Variants in HPSE2 observed in about 807,000 individuals in gnomAD.
The protein encoded by HPSE2 is inactive heparanase-2.
A neutral mutation model predicts 60.5 loss-of-function variants in HPSE2; 38 were observed. The ratio of observed to expected loss-of-function variants is 0.63; its 90% CI spans 0.48 to 0.82. The LOEUF (loss-of-function observed/expected upper bound fraction) is 0.82, where lower values mean the gene tolerates loss of function less well. HPSE2 is among the 40% of genes least tolerant of loss of function. The pLI is 0.00. For synonymous variants in HPSE2, 295 were observed against 293.2 expected, an observed-to-expected ratio of 1.01 and a Z score of -0.06; for missense variants, 713 against 740.4, an observed-to-expected ratio of 0.96 and a Z score of 0.43.
At chr10:98,775,486 T>A (rs1403168761) in intron 3 of HPSE2, among the ~76,000 whole-genome samples, 1 of 152,202 alleles carries the variant, frequency 6.6e-6, no homozygotes, top group Admixed American at 6.5e-5. Flanking sequence ...CAATCTGTGA[T>A]GAAGCCCAAC....
intron 3 of HPSE2, among the ~76,000 whole-genome samples, chr10:98,911,565 G>A (rs139362221): frequency 2.0e-5 from 3 of 152,224 alleles, no homozygotes; most frequent in African/African-American, 7.2e-5. Context: ...ACCACATTTG[G>A]TGCAGCTGAA....
intron 3 of HPSE2, among the ~76,000 whole-genome samples, chr10:98,790,255 T>C (rs1417972147): frequency 6.6e-6 from 1 of 152,234 alleles, no homozygotes; most frequent in Non-Finnish European, 1.5e-5. Context: ...ATTCCATACC[T>C]TGGCTATTGT....
At chr10:99,167,802 T>C (rs942755921) in intron 2 of HPSE2, among the ~76,000 whole-genome samples, 2 of 152,138 alleles carry the variant, frequency 1.3e-5, no homozygotes, top group African/African-American at 4.8e-5. Flanking sequence ...TTTTTGGGGA[T>C]TGAGTTTAAT....
the HPSE2 span, among the ~76,000 whole-genome samples, chr10:99,290,750 G>A: frequency 1.3e-5 from 2 of 152,118 alleles, no homozygotes; most frequent in Non-Finnish European, 1.5e-5. Context: ...TCAGTTTAAT[G>A]GTAACAGAAG....
chr10:99,090,788 A>G (rs1378787753), intron 3 of HPSE2, among the ~76,000 whole-genome samples: 3 of 152,026 alleles, frequency 2.0e-5, no homozygotes, highest in East Asian at 3.9e-4. Flanking sequence ...CTACCTCAAA[A>G]TATCTAAGGT....
In HPSE2 at chr10:98,850,583, A is replaced by C. The variant is rs556529282; in HGVS notation, c.611-106527T>G. Among the ~76,000 whole-genome samples the C allele has an allele frequency of 2.0e-5, 3 of 152,052 alleles. No homozygotes were observed. In the South Asian group the frequency reaches 6.2e-4, roughly 32 times the overall value. ...AACCCCGTCTCTACTAAAAATACAA[A>C]AAAATTAGCCAGGCGTGGTGGCAGG... On this transcript the variant is annotated intron_variant, in intron 3 of 11. Transcript: ENST00000370552.
chr10:98,956,547 C>T (rs1235286518), intron 3 of HPSE2, among the ~76,000 whole-genome samples: 2 of 152,154 alleles, frequency 1.3e-5, no homozygotes. Flanking sequence ...TCTACCATAC[C>T]TAGTGAATAC....
At chr10:98,934,271 T>G (rs1247408609) in intron 3 of HPSE2, among the ~76,000 whole-genome samples, 1 of 144,442 alleles carries the variant, frequency 6.9e-6, no homozygotes, top group Admixed American at 6.9e-5. Context: ...TTTGCCCATT[T>G]ACATTTAAGG....
At chr10:98,475,002 A>AG (rs1350380472) in intron 11 of HPSE2, among the ~76,000 whole-genome samples, 1 of 152,232 alleles carries the variant, frequency 6.6e-6, no homozygotes, top group African/African-American at 2.4e-5. Flanking sequence ...GCCTAGCAAT[A>AG]GAAAGATCAA....
chr10:99,024,769 G>C (rs1957339187), intron 3 of HPSE2, among the ~76,000 whole-genome samples: 2 of 152,134 alleles, frequency 1.3e-5, no homozygotes, highest in Non-Finnish European at 2.9e-5. Context: ...CATATTTAAA[G>C]TGCTGAAGAA....
intron 2 of HPSE2, among the ~76,000 whole-genome samples, chr10:99,158,449 T>C (rs1156823876): frequency 9.8e-6 from 1 of 101,992 alleles, no homozygotes; most frequent in Non-Finnish European, 2.1e-5. Flanking sequence ...TCAGGTCCTT[T>C]GTAGGGACAT....
intron 9 of HPSE2, among the ~76,000 whole-genome samples, chr10:98,610,024 C>G (rs1024405061): frequency 7.9e-5 from 12 of 151,752 alleles, no homozygotes; most frequent in African/African-American, 2.7e-4. Flanking sequence ...TGTATTTTTA[C>G]TAGAGACGGG....
At chr10:98,994,589 C>T (rs549468100) in intron 3 of HPSE2, among the ~76,000 whole-genome samples, 4 of 152,318 alleles carry the variant, frequency 2.6e-5, no homozygotes, top group East Asian at 3.9e-4. Context: ...TAGTAAAGCC[C>T]GGTTTTCCTG....
chr10:98,469,024 G>A (rs1940671081), intron 11 of HPSE2, among the ~76,000 whole-genome samples: 2 of 152,136 alleles, frequency 1.3e-5, no homozygotes, highest in Non-Finnish European at 2.9e-5. Context: ...AGAGCTGGGG[G>A]TTTTGTAGGC....
At chr10:99,188,482 A>G (rs1450564676) in intron 2 of HPSE2, among the ~76,000 whole-genome samples, 1 of 152,208 alleles carries the variant, frequency 6.6e-6, no homozygotes, top group Admixed American at 6.5e-5. Context: ...GAATTCTTTT[A>G]AAATCATTTG....
At chr10:99,225,630 T>C (rs538479156) in intron 2 of HPSE2, among the ~76,000 whole-genome samples, 4 of 152,088 alleles carry the variant, frequency 2.6e-5, no homozygotes, top group Non-Finnish European at 5.9e-5. Context: ...TAACACAGTT[T>C]AGTTAGAGGG....
chr10:99,283,457 T>C, the HPSE2 span, among the ~76,000 whole-genome samples: 6 of 144,500 alleles, frequency 4.2e-5, no homozygotes, highest in Non-Finnish European at 7.6e-5. Flanking sequence ...GAGCTGATCA[T>C]ACCACTGCAC....
Position 98,656,082 on chromosome 10 carries a change from G to GTT in HPSE2, c.1005-14144_1005-14143dup, listed in dbSNP as rs34294462. 1.8e-3 allele frequency among the ~76,000 whole-genome samples: 258 copies of GTT among 140,806 alleles called. 1 individual carries two copies. Among genetic ancestry groups the GTT allele is most frequent in the Middle Eastern group, 0.011 (3 of 264 alleles). The allele number at this position is 140,806 out of a possible 152,430, so 92.4% of individuals were successfully genotyped here. On this transcript the variant is annotated intron_variant, in intron 6 of 11. Coordinates refer to ENST00000370552, the MANE Select transcript of HPSE2 (RefSeq NM_021828.5). ...GGTTTCACATTAGTTTCCTATTTGA[G>GTT]TTTTTTTTTTTTTTTTTTAATTGAG... is the stretch of plus-strand genomic sequence containing the variant.
intron 3 of HPSE2, among the ~76,000 whole-genome samples, chr10:99,112,949 A>G (rs1308433144): frequency 9.1e-6 from 1 of 109,352 alleles, no homozygotes; most frequent in East Asian, 3.4e-4. Context: ...GCCTAGACTC[A>G]TACACACACA....
Sources: allele counts gnomAD v4.1 joint callset (sites outside exome capture counted in the v4.1 genomes callset), GRCh38; gene constraint gnomAD v4.1.1; transcripts MANE v1.5; gene names NCBI Gene and HGNC (gene_info 2026-07-23, HGNC 2026-07-21).